ATF7: variants seen among roughly 807,000 people sequenced by gnomAD.
ATF7 encodes the protein activating transcription factor 7.
ATF7 carries 10 observed loss-of-function variants against 50.4 expected under a neutral mutation model. That is an observed-to-expected ratio of 0.20 (90% CI 0.12 to 0.34). ATF7 has a LOEUF of 0.34. Ranked by LOEUF, ATF7 falls within the 10% of genes least tolerant of loss-of-function variation. The probability of loss-of-function intolerance (pLI) is 1.00; values close to 1 mark genes in which losing one functional copy is unlikely to be tolerated. For missense variants in ATF7, 465 were observed against 613.9 expected, an observed-to-expected ratio of 0.76 and a Z score of 2.56; for synonymous variants, 201 against 226.4, an observed-to-expected ratio of 0.89 and a Z score of 1.01.
At chr12:53,543,308 T>C in intron 4 of ATF7, 22 bp downstream of exon 4, 1 of 1,562,540 alleles carries the variant, frequency 6.4e-7, no homozygotes, top group Non-Finnish European at 8.7e-7. Flanking sequence ...ACCAGTTTTT[T>C]GGCAACAGTC....
chr12:53,534,719 A>G, intron 5 of ATF7, 60 bp from the exon 6 acceptor site: 2 of 1,537,610 alleles, frequency 1.3e-6, no homozygotes, highest in South Asian at 1.2e-5. Flanking sequence ...AGGGAAATAT[A>G]TAGATGGTAA....
intron 2 of ATF7, among the ~76,000 whole-genome samples, chr12:53,569,071 G>C (rs915141191): frequency 1.3e-5 from 2 of 152,112 alleles, no homozygotes; most frequent in African/African-American, 4.8e-5. Flanking sequence ...GAAAGAGAGA[G>C]AGAGAAAGGA....
intron 2 of ATF7, among the ~76,000 whole-genome samples, chr12:53,587,494 T>C (rs1156305260): frequency 6.7e-6 from 1 of 150,316 alleles, no homozygotes; most frequent in East Asian, 2.0e-4. Context: ...GCCAATATGG[T>C]GAAACCCCAT....
chr12:53,517,508 C>G, intron 11 of ATF7, 154 bp from the exon 12 acceptor site: 1 of 714,536 alleles, frequency 1.4e-6, no homozygotes, highest in Non-Finnish European at 2.3e-6. Context: ...ATCCTGGCTT[C>G]TAAGTCATAA....
At chr12:53,533,986 T>C (rs1284847243) in intron 6 of ATF7, among the ~76,000 whole-genome samples, 1 of 152,140 alleles carries the variant, frequency 6.6e-6, no homozygotes, top group East Asian at 1.9e-4. Flanking sequence ...ATTAAGAAAG[T>C]ATTACCCCCG....
chr12:53,587,315 C>T (rs983132380), intron 2 of ATF7, among the ~76,000 whole-genome samples: 31 of 138,530 alleles, frequency 2.2e-4, no homozygotes, highest in African/African-American at 7.0e-4. Flanking sequence ...TGCAGTTAGC[C>T]GAGTTTGTGC....
intron 2 of ATF7, among the ~76,000 whole-genome samples, chr12:53,569,681 A>T (rs1463114267): frequency 6.8e-6 from 1 of 148,100 alleles, no homozygotes; most frequent in Non-Finnish European, 1.5e-5. Flanking sequence ...TTTTTTTTTA[A>T]TTTTTTTTTT....
chr12:53,525,004 G>A, intron 9 of ATF7: 1 of 436,488 alleles, frequency 2.3e-6, no homozygotes, highest in Non-Finnish European at 4.0e-6. Context: ...TGGAAACTCT[G>A]ATTATTTATA....
chr12:53,605,647 T>C (rs1030858245), intron 1 of ATF7, among the ~76,000 whole-genome samples: 2 of 152,194 alleles, frequency 1.3e-5, no homozygotes, highest in Non-Finnish European at 2.9e-5. Context: ...GTAAGCTAAA[T>C]AATTTTAGAT....
intron 1 of ATF7, among the ~76,000 whole-genome samples, chr12:53,617,889 CAAA>C (rs71444812): frequency 3.3e-5 from 4 of 120,054 alleles, no homozygotes; most frequent in Admixed American, 8.0e-5. Flanking sequence ...TACAGAAGAC[CAAA>C]AAAAAAAAAA....
Position 53,551,653 on chromosome 12 carries a change from G to C in ATF7, c.145+888C>G, listed in dbSNP as rs565061790. Reference sequence around the variant, plus strand: ...TGGTAAGTCCCTTTCATCATGTATGGAAGTATGATGAGGAAGTTCTGTCTC... The same window carrying C: ...TGGTAAGTCCCTTTCATCATGTATGCAAGTATGATGAGGAAGTTCTGTCTC... On this transcript the variant is annotated intron_variant, in intron 3 of 11. Coordinates refer to ENST00000420353, the MANE Select transcript of ATF7 (RefSeq NM_006856.3). 5.3e-5 allele frequency among the ~76,000 whole-genome samples: 8 copies of C among 152,330 alleles called. No individual in the cohort carries two copies. In the South Asian group the frequency reaches 1.7e-3, roughly 32 times the overall value.
intron 11 of ATF7, chr12:53,523,031 A>C: frequency 2.5e-6 from 1 of 403,692 alleles, no homozygotes; most frequent in Non-Finnish European, 4.5e-6. Flanking sequence ...TAGCATGCCT[A>C]ACACAAAATA....
intron 3 of ATF7, among the ~76,000 whole-genome samples, chr12:53,552,287 G>A (rs929742637): frequency 3.3e-5 from 5 of 151,654 alleles, no homozygotes; most frequent in Non-Finnish European, 5.9e-5. Context: ...GTAATAGACC[G>A]AAAAAAAACT....
At chr12:53,583,301 C>T (rs916544382) in intron 2 of ATF7, among the ~76,000 whole-genome samples, 1 of 151,852 alleles carries the variant, frequency 6.6e-6, no homozygotes, top group Admixed American at 6.6e-5. Context: ...CAAAGGAGTC[C>T]CAACCCTACT....
chr12:53,616,628 G>A (rs908282642), intron 1 of ATF7, among the ~76,000 whole-genome samples: 1 of 152,074 alleles, frequency 6.6e-6, no homozygotes, highest in African/African-American at 2.4e-5. Context: ...GGAACACTGA[G>A]GATTAAAATT....
rs552273307 is a variant in ATF7 at position 53,603,796 on chromosome 12, C to T, written c.-21-2775G>A. Among the ~76,000 whole-genome samples the T allele has an allele frequency of 6.6e-5, 10 of 151,606 alleles. No homozygotes were observed. The South Asian group carries it at 2.1e-3, about 31-fold the overall frequency. ...CACTCCTGGTCTGCTGCATCAATTG[C>T]TACATATAAAGAATGTCATTTTGCT... is the stretch of plus-strand genomic sequence containing the variant. On this transcript the variant is annotated intron_variant, in intron 1 of 11. Coordinates refer to ENST00000420353, the MANE Select transcript of ATF7 (RefSeq NM_006856.3).
Position 53,590,871 on chromosome 12 carries a change from G to A in ATF7, c.48+10082C>T, listed in dbSNP as rs1309425171. Among the ~76,000 whole-genome samples, 10 of 152,242 alleles carry A rather than the reference G, an allele frequency of 6.6e-5. No individual in the cohort carries two copies. In the East Asian group the frequency reaches 7.7e-4, roughly 12 times the overall value. On this transcript the variant is annotated intron_variant, in intron 2 of 11. Coordinates refer to ENST00000420353, the MANE Select transcript of ATF7 (RefSeq NM_006856.3). ...GACAGTACAAAGATCAGTGGTTACCGGGGGTTCAGAAGGGTGGGATGAATA... is the reference window on the plus strand; with the variant it reads ...GACAGTACAAAGATCAGTGGTTACCAGGGGTTCAGAAGGGTGGGATGAATA...
chr12:53,532,771 T>TG lies in ATF7; in HGVS notation c.661-149dup, dbSNP rs570523229. ...GCCCATAGGGCGTGCAGGGACAGCC[T>TG]GGGAAATACCTTTCTCCATGGAGCA... is the stretch of plus-strand genomic sequence containing the variant. On this transcript the variant is annotated intron_variant, in intron 7 of 11. Coordinates refer to ENST00000420353, the MANE Select transcript of ATF7 (RefSeq NM_006856.3). The TG allele has an allele frequency of 2.9e-4, 175 of 610,252 alleles. 2 individuals carry two copies. In the East Asian group the frequency reaches 4.7e-3, roughly 16 times the overall value. 37.8% of individuals were successfully genotyped at this position (610,252 alleles called of 1,614,324 possible). A position where few individuals can be genotyped will look rare whatever the true frequency, so the allele number is the denominator to read the frequency against.
At chr12:53,525,788 A>G (rs1483926685) in intron 9 of ATF7, among the ~76,000 whole-genome samples, 1 of 152,226 alleles carries the variant, frequency 6.6e-6, no homozygotes, top group Non-Finnish European at 1.5e-5. Context: ...GAGAAGAAAG[A>G]CCAATTTTAT....
Sources: gnomAD v4.1 joint callset for allele counts (sites outside exome capture counted in the v4.1 genomes callset) on GRCh38, gnomAD v4.1.1 for gene constraint, MANE v1.5 for transcripts, NCBI Gene and HGNC (gene_info 2026-07-23, HGNC 2026-07-21) for gene names.